CAMK1D: variants seen among roughly 807,000 people sequenced by gnomAD.
CAMK1D encodes calcium/calmodulin-dependent protein kinase type 1D.
CAMK1D carries 9 observed loss-of-function variants against 47.7 expected under a neutral mutation model. That is an observed-to-expected ratio of 0.19 (90% CI 0.11 to 0.33). The LOEUF (loss-of-function observed/expected upper bound fraction) is 0.33. Among genes scored for constraint, CAMK1D ranks in the 10% least tolerant of loss-of-function variants. The pLI is 1.00. For missense variants in CAMK1D, 291 were observed against 488.7 expected (o/e 0.60, Z 3.81); for synonymous variants, 184 against 184.9 (o/e 0.99, Z 0.04).
chr10:12,762,195 C>A (rs1836543056), intron 4 of CAMK1D, among the ~76,000 whole-genome samples: 1 of 152,180 alleles, frequency 6.6e-6, no homozygotes, highest in Non-Finnish European at 1.5e-5. Context: ...GTTTACAGGT[C>A]CAGCCCCCAG....
chr10:12,797,046 TC>T (rs1481149043), intron 6 of CAMK1D, among the ~76,000 whole-genome samples: 1 of 152,212 alleles, frequency 6.6e-6, no homozygotes, highest in Non-Finnish European at 1.5e-5. Flanking sequence ...AAGTTTTCTT[TC>T]TTTTGGAACA....
At chr10:12,776,317 G>A (rs917452696) in intron 5 of CAMK1D, among the ~76,000 whole-genome samples, 2 of 152,240 alleles carry the variant, frequency 1.3e-5, no homozygotes, top group Admixed American at 1.3e-4. Context: ...TGCTGGAGGT[G>A]GAAGAGCCTG....
intron 3 of CAMK1D, among the ~76,000 whole-genome samples, chr10:12,685,578 A>G (rs1218411874): frequency 6.6e-6 from 1 of 152,178 alleles, no homozygotes; most frequent in Non-Finnish European, 1.5e-5. Context: ...CCAGCCCTTT[A>G]TAAAGAGCCT....
At chr10:12,519,284 G>T (rs1230794003) in intron 1 of CAMK1D, among the ~76,000 whole-genome samples, 2 of 51,852 alleles carry the variant, frequency 3.9e-5, no homozygotes, top group African/African-American at 1.6e-4. Context: ...GACTGGCCGG[G>T]CAGAGGGGTC....
At chr10:12,376,491 CAGTGGTCCAGGG>C in intron 1 of CAMK1D, among the ~76,000 whole-genome samples, 1 of 152,274 alleles carries the variant, frequency 6.6e-6, no homozygotes, top group Non-Finnish European at 1.5e-5. Flanking sequence ...CACCACCGGC[CAGTGGTCCAGGG>C]AGTGCCGCCA....
rs148385846 is a variant in CAMK1D, at chr10:12,762,680, T to A, written c.438+1594T>A. 1.9e-3 allele frequency among the ~76,000 whole-genome samples: 285 copies of A among 152,302 alleles called. 8 individuals carry two copies. In the East Asian group the frequency reaches 0.047, roughly 25 times the overall value. ...TGGAAAACCACTGGGCGAGGATATT[T>A]GGGAATCTTAGTGGATCCCTTTGAG... On this transcript the variant is annotated intron_variant, in intron 4 of 10. Transcript: ENST00000619168.
At chr10:12,572,300 T>A (rs978142216) in intron 2 of CAMK1D, among the ~76,000 whole-genome samples, 5 of 152,176 alleles carry the variant, frequency 3.3e-5, no homozygotes, top group African/African-American at 4.8e-5. Context: ...TCACAAGATC[T>A]GATGGTTTAG....
intron 8 of CAMK1D, among the ~76,000 whole-genome samples, chr10:12,817,952 G>A (rs533072281): frequency 2.0e-5 from 3 of 152,304 alleles, no homozygotes; most frequent in African/African-American, 7.2e-5. Flanking sequence ...GCCTCCCAAA[G>A]TGCTGGGATT....
chr10:12,825,742 G>A (rs370278390), intron 10 of CAMK1D, 52 bp downstream of exon 10: 1 of 1,612,276 alleles, frequency 6.2e-7, no homozygotes, highest in African/African-American at 1.3e-5. Flanking sequence ...AGACGAGCCT[G>A]GGGTGGAGAG....
chr10:12,830,534 G>C lies in CAMK1D; in HGVS notation c.*1647G>C, dbSNP rs903658050. ...AGACTGAAGGATTTCTCAGGCTGTG[G>C]ACATTTAATGCCAAAACCAGGAATA... On this transcript the variant is annotated 3_prime_UTR_variant, in exon 11 of 11. Coordinates refer to ENST00000619168, the MANE Select transcript of CAMK1D (RefSeq NM_153498.4). 1 of 152,268 alleles carries C rather than the reference G, an allele frequency of 6.6e-6. No homozygotes were observed. The highest frequency in any genetic ancestry group is 2.4e-5 in the African/African-American group (1 of 41,440). 9.4% of individuals were successfully genotyped at this position (152,268 alleles called of 1,614,324 possible).
chr10:12,611,008 G>T (rs1181101625), intron 2 of CAMK1D, among the ~76,000 whole-genome samples: 1 of 152,168 alleles, frequency 6.6e-6, no homozygotes, highest in Non-Finnish European at 1.5e-5. Flanking sequence ...AGTACTTTAT[G>T]TATTCAACCA....
At chr10:12,521,949 T>TTA (rs1156265318) in intron 1 of CAMK1D, among the ~76,000 whole-genome samples, 1 of 151,112 alleles carries the variant, frequency 6.6e-6, no homozygotes, top group Non-Finnish European at 1.5e-5. Context: ...TTAACTGACC[T>TTA]TATATATATA....
rs959961800 is a variant in CAMK1D at position 12,578,519 on chromosome 10, G to A, written c.224+25163G>A. Among the ~76,000 whole-genome samples the A allele has an allele frequency of 6.7e-4, 96 of 143,872 alleles. 1 individual carries two copies. Among genetic ancestry groups the A allele is most frequent in the African/African-American group, 2.5e-3 (93 of 37,380 alleles). 94.4% of individuals were successfully genotyped at this position (143,872 alleles called of 152,430 possible). On this transcript the variant is annotated intron_variant, in intron 2 of 10. Coordinates refer to ENST00000619168, the MANE Select transcript of CAMK1D (RefSeq NM_153498.4). The stretch of plus-strand genomic sequence containing the variant: ...CGGGAGGCGGAGGTTGCTATGAGCC[G>A]AGATCGTGCCATTGCACTCCAGCCT...
At chr10:12,486,484 T>G (rs1195646710) in intron 1 of CAMK1D, among the ~76,000 whole-genome samples, 1 of 151,866 alleles carries the variant, frequency 6.6e-6, no homozygotes, top group Non-Finnish European at 1.5e-5. Flanking sequence ...TTATAATTGC[T>G]TATGATAAAT....
intron 2 of CAMK1D, among the ~76,000 whole-genome samples, chr10:12,616,208 T>C (rs17151999): frequency 0.025 from 3,880 of 152,252 alleles, 151 homozygotes; most frequent in African/African-American, 0.084. Flanking sequence ...GTTTAAAATA[T>C]GGCTAACGGT....
intron 1 of CAMK1D, among the ~76,000 whole-genome samples, chr10:12,500,053 G>A (rs1834653577): frequency 6.6e-6 from 1 of 152,158 alleles, no homozygotes; most frequent in Non-Finnish European, 1.5e-5. Context: ...ATCACTTGAG[G>A]TCAGGAGTTC....
chr10:12,834,028 A>G lies in CAMK1D; in HGVS notation c.*5141A>G, dbSNP rs916049860. 2.0e-5 allele frequency: 3 copies of G among 152,116 alleles called. No homozygotes were observed. Among genetic ancestry groups the G allele is most frequent in the Admixed American group, 2.0e-4 (3 of 15,280 alleles). The allele number at this position is 152,116 out of a possible 1,614,324, so 9.4% of individuals were successfully genotyped here. ...CAGGTGTGCCTGACATTTGCAAAAG[A>G]TATTCCAGTCTTTCGATGTTCAGAA... On this transcript the variant is annotated 3_prime_UTR_variant, in exon 11 of 11. Transcript: ENST00000619168.
chr10:12,395,230 AT>A (rs959141091), intron 1 of CAMK1D, among the ~76,000 whole-genome samples: 1 of 151,266 alleles, frequency 6.6e-6, no homozygotes, highest in African/African-American at 2.4e-5. Flanking sequence ...CGCCCAAGTA[AT>A]TTTTTTTAAT....
chr10:12,737,004 A>G (rs1305709731), intron 3 of CAMK1D, among the ~76,000 whole-genome samples: 1 of 152,152 alleles, frequency 6.6e-6, no homozygotes, highest in Non-Finnish European at 1.5e-5. Context: ...GACCCAAGAG[A>G]ACAGCGAGCA....
Sources: gnomAD v4.1 joint callset for allele counts (sites outside exome capture counted in the v4.1 genomes callset) on GRCh38, gnomAD v4.1.1 for gene constraint, MANE v1.5 for transcripts, NCBI Gene and HGNC (gene_info 2026-07-23, HGNC 2026-07-21) for gene names.